The following ZFP37 variants were observed in gnomAD, a reference collection of about 807,000 sequenced individuals.
The protein encoded by ZFP37 is ZFP37 zinc finger protein.
Under a neutral mutation model 52.1 loss-of-function variants are expected in ZFP37, and 38 were observed. The observed-to-expected ratio is 0.73, with a 90% confidence interval of 0.56 to 0.96. The LOEUF (loss-of-function observed/expected upper bound fraction) is 0.96. Among genes scored for constraint, ZFP37 ranks in the 40% least tolerant of loss-of-function variants. The pLI, the probability that ZFP37 is intolerant of heterozygous loss-of-function variation, is 0.00. For synonymous variants in ZFP37, 253 were observed against 259.5 expected (o/e 0.98, Z 0.24); for missense variants, 695 against 741.4 (o/e 0.94, Z 0.73).
intron 1 of ZFP37, among the ~76,000 whole-genome samples, chr9:113,050,429 G>A (rs1234459872): frequency 7.1e-6 from 1 of 141,838 alleles, no homozygotes; most frequent in African/African-American, 2.6e-5. Context: ...TATTCAAGAG[G>A]ATAGAATCAC....
In ZFP37 at chr9:113,056,571, C is replaced by G; in HGVS notation, c.118G>C (p.Glu40Gln). The part of the protein sequence containing the change: ...RPLEMAVSEP[E>Q]ASAAEWKQLD... The stretch of plus-strand genomic sequence containing the variant: ...ACAGCTCTCACCGCGGCGCTGGCCT[C>G]GGGCTCGGACACAGCCATCTCCAGT... The change falls in exon 1 of 4, where the codon GAG (glutamate) becomes CAG (glutamine). Residue 40 changes from glutamate to glutamine, a missense_variant. Physicochemically the swap from Glu to Gln is conservative, Grantham distance 29 (BLOSUM62 2). Coordinates refer to ENST00000374227, the MANE Select transcript of ZFP37 (RefSeq NM_003408.3). 6.2e-7 allele frequency: 1 copy of G among 1,613,706 alleles called. No homozygotes were observed. Among genetic ancestry groups the G allele is most frequent in the Non-Finnish European group, 8.5e-7 (1 of 1,179,966 alleles).
intron 3 of ZFP37, among the ~76,000 whole-genome samples, chr9:113,046,268 A>T (rs1350554653): frequency 6.7e-6 from 1 of 150,014 alleles, no homozygotes; most frequent in Non-Finnish European, 1.5e-5. Flanking sequence ...ATATATATAC[A>T]GGCAGATATA....
rs1828803807 is a variant in ZFP37, at chr9:113,038,829, TG to T, written c.*3895del. Reference sequence around the variant, plus strand: ...AAAGATTCAATTTCCTCAAGCCACCTGAAACTAGGTGTGGTCATGTGACTCA... The same window carrying T: ...AAAGATTCAATTTCCTCAAGCCACCTAAACTAGGTGTGGTCATGTGACTCA... On this transcript the variant is annotated 3_prime_UTR_variant, in exon 4 of 4. Coordinates refer to ENST00000374227, the MANE Select transcript of ZFP37 (RefSeq NM_003408.3). 6.6e-6 allele frequency: 1 copy of T among 152,162 alleles called. No homozygotes were observed. The highest frequency in any genetic ancestry group is 2.4e-5 in the African/African-American group (1 of 41,526). 9.4% of individuals were successfully genotyped at this position (152,162 alleles called of 1,614,324 possible).
chr9:113,051,692 C>T lies in ZFP37; in HGVS notation c.133-1820G>A, dbSNP rs575199789. On this transcript the variant is annotated intron_variant, in intron 1 of 3. Transcript: ENST00000374227. ...CTGGGCTCAAACTCCTGGGCTCAAG[C>T]AATCCTTCCACCTCAGCTTCCCAAA... is the stretch of plus-strand genomic sequence containing the variant. 1.4e-4 allele frequency among the ~76,000 whole-genome samples: 22 copies of T among 152,234 alleles called. No homozygotes were observed. In the South Asian group the frequency reaches 4.4e-3, roughly 30 times the overall value.
At chr9:113,049,897 A>G (rs1829026379) in intron 1 of ZFP37, 25 bp from the exon 2 acceptor site, 3 of 1,613,758 alleles carry the variant, frequency 1.9e-6, no homozygotes, top group African/African-American at 1.3e-5. Context: ...CCATAGTCAC[A>G]TGTTTGAATG....
At position 113,049,400 on chromosome 9, in the gene ZFP37, C is replaced by T. The variant is rs1006513721; in HGVS notation, c.311G>A (p.Ser104Asn). 5 of 1,613,976 alleles carry T rather than the reference C, an allele frequency of 3.1e-6. No individual in the cohort carries two copies. In the African/African-American group the frequency reaches 5.3e-5, roughly 17 times the overall value. Residue 104 changes from serine to asparagine, a missense_variant, in exon 3 of 4, where the codon AGT becomes AAT. Around this residue, in one of 2 missense-constraint regions of ZFP37, gnomAD observed 369 missense variants for 340.9 expected, o/e 1.08. Transcript: ENST00000374227. ...KGKRPSQGCP[S>N]KIARPKQKET... is the part of the protein sequence containing the mutation. ...TTTTTGCTTGGGTCTTGCTATTTTACTTGGACAACCTTGACTGGGTCTTTT... is the reference window on the plus strand; with the variant it reads ...TTTTTGCTTGGGTCTTGCTATTTTATTTGGACAACCTTGACTGGGTCTTTT...
At position 113,056,716 on chromosome 9, in the gene ZFP37, G is replaced by A. The variant is rs1587918155; in HGVS notation, c.-28C>T. ...CGGCTACCCGGAGGGCGGCCTTAGC[G>A]GGTCCGGCAGCCGCGATGGCGGCGC... On this transcript the variant is annotated 5_prime_UTR_variant, in exon 1 of 4. Transcript: ENST00000374227. 2 of 1,603,590 alleles carry A rather than the reference G, an allele frequency of 1.2e-6. No homozygotes were observed. The highest frequency in any genetic ancestry group is 1.7e-6 in the Non-Finnish European group (2 of 1,175,426).
rs112145149 is a variant in ZFP37, at chr9:113,043,726, A to G, written c.892T>C (p.Cys298Arg). The part of the protein sequence containing the change: ...ACVKPYECNQ[C>R]GKVLSHKQGL... Reference sequence around the variant, plus strand: ...TGTTTATGGCTGAGAACCTTTCCACATTGATTACATTCATAGGGTTTCACA... The same window carrying G: ...TGTTTATGGCTGAGAACCTTTCCACGTTGATTACATTCATAGGGTTTCACA... The change falls in exon 4 of 4, where the codon TGT becomes CGT. Residue 298 changes from cysteine to arginine, a missense_variant. By Grantham distance (180) the Cys-to-Arg change is radical. Coordinates refer to ENST00000374227, the MANE Select transcript of ZFP37 (RefSeq NM_003408.3). The G allele has an allele frequency of 2.3e-3, 3,753 of 1,614,030 alleles. 14 individuals carry two copies. Among genetic ancestry groups the G allele is most frequent in the Admixed American group, 3.1e-3 (189 of 60,026 alleles).
rs915351640 is a variant in ZFP37 at position 113,040,958 on chromosome 9, AT to A, written c.*1766del. 47 of 150,100 alleles carry A rather than the reference AT, an allele frequency of 3.1e-4. No homozygotes were observed. The highest frequency in any genetic ancestry group is 1.1e-3 in the African/African-American group (47 of 41,466). 9.3% of individuals were successfully genotyped at this position (150,100 alleles called of 1,614,324 possible). A position where few individuals can be genotyped will look rare whatever the true frequency, so the allele number is the denominator to read the frequency against. Reference sequence around the variant, plus strand: ...TTCAGAAGTTTTGTGCATTTTTTGTATTTCTTTTTTTTGAGACAGAGCCTCA... The same window carrying A: ...TTCAGAAGTTTTGTGCATTTTTTGTATTCTTTTTTTTGAGACAGAGCCTCA... On this transcript the variant is annotated 3_prime_UTR_variant, in exon 4 of 4. Transcript: ENST00000374227.
rs1369575017 is a variant in ZFP37, at chr9:113,044,053, C to A, written c.565G>T (p.Asp189Tyr). The change falls in exon 4 of 4, where the codon GAT becomes TAT. Residue 189 changes from aspartate (D) to tyrosine (Y), a missense_variant. This residue lies in a region of ZFP37 where 369 missense variants were observed against 340.9 expected (regional missense o/e 1.08). Transcript: ENST00000374227. ...SCGKILKQNL[D>Y]LPDHSRNCVK... is the part of the protein sequence containing the mutation. The stretch of plus-strand genomic sequence containing the variant: ...CAGTTTCTTGAGTGATCAGGTAAAT[C>A]TAAATTCTGTTTCAAAATTTTTCCA... 6.2e-7 allele frequency: 1 copy of A among 1,610,636 alleles called. No homozygotes were observed. Among genetic ancestry groups the A allele is most frequent in the Non-Finnish European group, 8.5e-7 (1 of 1,179,198 alleles).
Position 113,056,430 on chromosome 9 carries a change from C to A in ZFP37, c.132+127G>T, listed in dbSNP as rs1829144861. The stretch of plus-strand genomic sequence containing the variant: ...CAGATAACTCAGAACACCGACCTCC[C>A]AAAAGACCATCTAGCATCGATTCCA... On this transcript the variant is annotated intron_variant, in intron 1 of 3. Transcript: ENST00000374227. 4.1e-6 allele frequency: 6 copies of A among 1,481,014 alleles called. No homozygotes were observed. The South Asian group carries it at 7.8e-5, about 19-fold the overall frequency. 91.7% of individuals were successfully genotyped at this position (1,481,014 alleles called of 1,614,324 possible). A position where few individuals can be genotyped will look rare whatever the true frequency, so the allele number is the denominator to read the frequency against.
Position 113,043,568 on chromosome 9 carries a change from T to C in ZFP37, c.1050A>G (p.Glu350=). 6.2e-7 allele frequency: 1 copy of C among 1,614,018 alleles called. No individual in the cohort carries two copies. The highest frequency in any genetic ancestry group is 1.3e-5 in the African/African-American group (1 of 75,040). ...CATGGGCTTTGCCACACTGAATACA[T>C]TCATATGGTTTTTCTCCGGTGTGAG... ...QRTHTGEKPY[E]CIQCGKAHGH... is the part of the protein sequence containing the mutation. Residue 350 remains glutamate (E), a synonymous_variant, in exon 4 of 4, where the codon GAA becomes GAG. Transcript: ENST00000374227.
Position 113,042,814 on chromosome 9 carries a change from CA to C in ZFP37, c.1803del (p.Tyr601Ter). The C allele has an allele frequency of 1.9e-6, 3 of 1,613,340 alleles. No individual in the cohort carries two copies. Among genetic ancestry groups the C allele is most frequent in the Non-Finnish European group, 2.5e-6 (3 of 1,179,744 alleles). ...AAAGTTTTCCCACATTCATTACATT[CA>C]TAGGGTTTTTCTCCAGTGTGGGATC... ...HQRSHTGEKP[Y>X]ECNECGKTFK... On this transcript the variant is annotated frameshift_variant, in exon 4 of 4. Transcript: ENST00000374227. LOFTEE classifies it high-confidence loss of function.
rs1195651543 is a variant in ZFP37, at chr9:113,049,348, A to G, written c.349+14T>C. 3.1e-6 allele frequency: 5 copies of G among 1,608,378 alleles called. No homozygotes were observed. Among genetic ancestry groups the G allele is most frequent in the Non-Finnish European group, 4.2e-6 (5 of 1,178,306 alleles). On this transcript the variant is annotated intron_variant, in intron 3 of 3. Transcript: ENST00000374227. Reference sequence around the variant, plus strand: ...ATAAATTATTTGCTGAAAAATTTCAAAGTTACAACTTACTTCCATCAGTTT... The same window carrying G: ...ATAAATTATTTGCTGAAAAATTTCAGAGTTACAACTTACTTCCATCAGTTT...
rs1427850871 is a variant in ZFP37 at position 113,052,541 on chromosome 9, C to T, written c.133-2669G>A. 1.3e-5 allele frequency among the ~76,000 whole-genome samples: 2 copies of T among 152,176 alleles called. No homozygotes were observed. Among genetic ancestry groups the T allele is most frequent in the African/African-American group, 2.4e-5 (1 of 41,434 alleles). ...GGTAAAGTCCACAGGACACCAGGCA[C>T]CAGCATCCATGAGTCCTCTCCCAGT... On this transcript the variant is annotated intron_variant, in intron 1 of 3. Coordinates refer to ENST00000374227, the MANE Select transcript of ZFP37 (RefSeq NM_003408.3). This position sits in a 1 kb window ranked among gnomAD's most constrained non-coding sequence, Gnocchi z 4.1.
At chr9:113,050,053 T>C (rs1829029387) in intron 1 of ZFP37, 181 bp from the exon 2 acceptor site, 1 of 999,942 alleles carries the variant, frequency 1.0e-6, no homozygotes, top group Non-Finnish European at 1.4e-6. Flanking sequence ...CTCTACTCAA[T>C]TTTTCATTAT....
chr9:113,048,086 C>G (rs1258787655), intron 3 of ZFP37, among the ~76,000 whole-genome samples: 5 of 152,188 alleles, frequency 3.3e-5, no homozygotes, highest in Non-Finnish European at 5.9e-5. Context: ...AGATCTGATT[C>G]AAGTTGTACA....
In ZFP37 at chr9:113,043,137, C is replaced by A; in HGVS notation, c.1481G>T (p.Cys494Phe). ...TGAGCTATGTCCAAAGGCTTTTCCACACTCATTACATTTATAAGGTTTCTC... is the reference window on the plus strand; with the variant it reads ...TGAGCTATGTCCAAAGGCTTTTCCAAACTCATTACATTTATAAGGTTTCTC... The part of the protein sequence containing the change: ...TKEKPYKCNE[C>F]GKAFGHSSSL... Residue 494 changes from cysteine to phenylalanine, a missense_variant, in exon 4 of 4, where the codon TGT (cysteine) becomes TTT (phenylalanine). Coordinates refer to ENST00000374227, the MANE Select transcript of ZFP37 (RefSeq NM_003408.3). The A allele has an allele frequency of 6.2e-7, 1 of 1,613,748 alleles. No individual in the cohort carries two copies. The highest frequency in any genetic ancestry group is 8.5e-7 in the Non-Finnish European group (1 of 1,179,936).
At chr9:113,053,744 T>C (rs1050197240) in intron 1 of ZFP37, among the ~76,000 whole-genome samples, 4 of 152,190 alleles carry the variant, frequency 2.6e-5, no homozygotes, top group African/African-American at 7.2e-5. Context: ...CAAACTCATA[T>C]ACAATATACC....
Sources: gnomAD v4.1 joint callset for allele counts (sites outside exome capture counted in the v4.1 genomes callset) on GRCh38, gnomAD v4.1.1 for gene constraint, gnomAD v4.1.1 regional missense constraint, Gnocchi (gnomAD v3.1) non-coding constraint, MANE v1.5 for transcripts, NCBI Gene and HGNC (gene_info 2026-07-23, HGNC 2026-07-21) for gene names.